Variants in SPAG16 observed in about 807,000 individuals in gnomAD.
SPAG16 encodes sperm associated antigen 16.
In SPAG16, 86 loss-of-function variants were observed where a neutral mutation model predicts 80.4. The ratio of observed to expected loss-of-function variants is 1.07; its 90% CI spans 0.90 to 1.28. The LOEUF is 1.28. Among genes scored for constraint, SPAG16 ranks in the 50% most tolerant of loss-of-function variants. The probability of loss-of-function intolerance (pLI) is 0.00; values close to 1 mark genes in which losing one functional copy is unlikely to be tolerated. For missense variants in SPAG16, 870 were observed against 765.3 expected (o/e 1.14, Z -1.61); for synonymous variants, 294 against 265.9 (o/e 1.11, Z -1.03).
intron 12 of SPAG16, among the ~76,000 whole-genome samples, chr2:214,000,955 A>G (rs1292682303): frequency 1.3e-5 from 2 of 152,230 alleles, no homozygotes; most frequent in East Asian, 3.9e-4. Flanking sequence ...TAGCCAAACT[A>G]CTAGAGCTAG....
chr2:213,893,033 A>T (rs181931462), intron 11 of SPAG16, among the ~76,000 whole-genome samples: 10 of 152,258 alleles, frequency 6.6e-5, no homozygotes, highest in Middle Eastern at 6.8e-3. Flanking sequence ...TCAAAAGTCA[A>T]GGACCAAGAG....
At chr2:214,071,735 C>T (rs756151587) in intron 13 of SPAG16, among the ~76,000 whole-genome samples, 3 of 152,062 alleles carry the variant, frequency 2.0e-5, no homozygotes, top group Non-Finnish European at 2.9e-5. Context: ...TTGTGAGTAT[C>T]ATCTTTCCTT....
chr2:213,592,385 G>A (rs1356974049), intron 10 of SPAG16, among the ~76,000 whole-genome samples: 1 of 152,040 alleles, frequency 6.6e-6, no homozygotes, highest in East Asian at 1.9e-4. Flanking sequence ...TTAAATAAAG[G>A]GTTTGTAAGT....
chr2:213,664,083 T>G (rs1372541782), intron 10 of SPAG16, among the ~76,000 whole-genome samples: 1 of 152,028 alleles, frequency 6.6e-6, no homozygotes, highest in Non-Finnish European at 1.5e-5. Context: ...GCCTTTAAGT[T>G]TTTAGAAGCT....
At chr2:213,328,301 A>G (rs539266034) in intron 5 of SPAG16, among the ~76,000 whole-genome samples, 7 of 152,296 alleles carry the variant, frequency 4.6e-5, no homozygotes, top group Admixed American at 4.6e-4. Flanking sequence ...GTTAAAATGA[A>G]TGTTCTAAGA....
At chr2:213,935,702 G>T (rs2136777) in intron 12 of SPAG16, among the ~76,000 whole-genome samples, 7,212 of 152,202 alleles carry the variant, frequency 0.047, 188 homozygotes, top group South Asian at 0.11. Context: ...TGTTAGCATT[G>T]ACCACATTTA....
At chr2:213,450,229 G>A (rs1478882027) in intron 9 of SPAG16, among the ~76,000 whole-genome samples, 2 of 152,192 alleles carry the variant, frequency 1.3e-5, no homozygotes, top group Non-Finnish European at 2.9e-5. Context: ...GCTTGAAGCT[G>A]GGAGGCAGAG....
chr2:213,561,391 A>G (rs1435549032), intron 10 of SPAG16, among the ~76,000 whole-genome samples: 1 of 152,204 alleles, frequency 6.6e-6, no homozygotes, highest in Non-Finnish European at 1.5e-5. Context: ...TAAAAATATA[A>G]TTTCTTACAT....
At chr2:213,362,237 G>T (rs1357147367) in intron 7 of SPAG16, among the ~76,000 whole-genome samples, 2 of 152,172 alleles carry the variant, frequency 1.3e-5, no homozygotes, top group South Asian at 2.1e-4. Context: ...TGTAGTGTTT[G>T]ATTATAACCC....
At chr2:213,522,922 T>C (rs2075735373) in intron 10 of SPAG16, among the ~76,000 whole-genome samples, 1 of 151,588 alleles carries the variant, frequency 6.6e-6, no homozygotes, top group Non-Finnish European at 1.5e-5. Flanking sequence ...TATGTATTTA[T>C]ATTTGTTCAA....
intron 11 of SPAG16, among the ~76,000 whole-genome samples, chr2:213,905,490 A>G (rs2077394735): frequency 6.6e-6 from 1 of 152,234 alleles, no homozygotes; most frequent in South Asian, 2.1e-4. Flanking sequence ...AAGTGTTTGA[A>G]TTATCTACTT....
intron 9 of SPAG16, among the ~76,000 whole-genome samples, chr2:213,403,831 C>A (rs1479675598): frequency 5.3e-5 from 8 of 152,182 alleles, no homozygotes; most frequent in African/African-American, 1.2e-4. Context: ...CCAAAATCTC[C>A]TCAAGCTGAT....
At chr2:214,229,530 A>G (rs1357241428) in intron 15 of SPAG16, among the ~76,000 whole-genome samples, 1 of 151,762 alleles carries the variant, frequency 6.6e-6, no homozygotes, top group Non-Finnish European at 1.5e-5. Flanking sequence ...GTGTGTGTGT[A>G]TATATGTATT....
intron 12 of SPAG16, among the ~76,000 whole-genome samples, chr2:213,942,714 C>T (rs192011453): frequency 2.0e-5 from 3 of 152,252 alleles, no homozygotes; most frequent in East Asian, 1.9e-4. Flanking sequence ...TAAACCTTTA[C>T]TTACTATTAT....
At chr2:213,711,727 C>G (rs1426045875) in intron 10 of SPAG16, among the ~76,000 whole-genome samples, 1 of 151,848 alleles carries the variant, frequency 6.6e-6, no homozygotes, top group Non-Finnish European at 1.5e-5. Context: ...ACCATGTTGG[C>G]CAGGGTGGTC....
At chr2:213,381,415 G>A (rs2067167749) in intron 9 of SPAG16, among the ~76,000 whole-genome samples, 1 of 152,170 alleles carries the variant, frequency 6.6e-6, no homozygotes, top group African/African-American at 2.4e-5. Context: ...TGGCTGGCAG[G>A]TTTTTCATGG....
intron 15 of SPAG16, among the ~76,000 whole-genome samples, chr2:214,173,811 A>T (rs1055226316): frequency 6.6e-6 from 1 of 152,084 alleles, no homozygotes; most frequent in African/African-American, 2.4e-5. Context: ...ATGAACATTG[A>T]TGCAAAAATC....
chr2:214,229,776 G>T (rs1252014047), intron 15 of SPAG16, among the ~76,000 whole-genome samples: 2 of 151,820 alleles, frequency 1.3e-5, no homozygotes, highest in African/African-American at 2.4e-5. Flanking sequence ...ATGGGAGACA[G>T]CTTTGAATAT....
At chr2:213,811,493 C>CG (rs2072150130) in intron 10 of SPAG16, among the ~76,000 whole-genome samples, 1 of 152,022 alleles carries the variant, frequency 6.6e-6, no homozygotes, top group African/African-American at 2.4e-5. Context: ...TGAGGAGAGC[C>CG]AATGGTCTCA....
Sources: allele counts gnomAD v4.1 joint callset (sites outside exome capture counted in the v4.1 genomes callset), GRCh38; gene constraint gnomAD v4.1.1; transcripts MANE v1.5; gene names NCBI Gene and HGNC (gene_info 2026-07-23, HGNC 2026-07-21).